The following ACTR2 variants were observed in gnomAD, a reference collection of about 807,000 sequenced individuals.
ACTR2 encodes actin related protein 2.
ACTR2 carries 5 observed loss-of-function variants against 50.2 expected under a neutral mutation model. The observed-to-expected ratio is 0.10, with a 90% CI of 0.05 to 0.21. ACTR2 has a LOEUF of 0.21. Ranked by LOEUF, ACTR2 falls within the 10% of genes least tolerant of loss-of-function variation. The pLI is 1.00. For missense variants in ACTR2, 180 were observed against 480.6 expected (o/e 0.37, Z 5.85); for synonymous variants, 140 against 162.9 (o/e 0.86, Z 1.07).
At chr2:65,232,623 C>T (rs973239829) in intron 1 of ACTR2, among the ~76,000 whole-genome samples, 1 of 151,846 alleles carries the variant, frequency 6.6e-6, no homozygotes, top group Non-Finnish European at 1.5e-5. Context: ...ATTAAATAAG[C>T]CCAAATGGGG....
At chr2:65,253,434 A>T (rs1672090068) in intron 4 of ACTR2, among the ~76,000 whole-genome samples, 1 of 151,968 alleles carries the variant, frequency 6.6e-6, no homozygotes, top group Admixed American at 6.6e-5. Flanking sequence ...TGACAGAGCC[A>T]GACCCTGTCT....
intron 5 of ACTR2, 30 bp downstream of exon 5, chr2:65,253,894 A>T (rs770326689): frequency 1.3e-6 from 2 of 1,589,972 alleles, no homozygotes; most frequent in Non-Finnish European, 1.7e-6. Flanking sequence ...CATGGAAATT[A>T]AATTTTGTAA....
rs1284150000 is a variant in ACTR2, at chr2:65,261,341, G to C, written c.830G>C (p.Gly277Ala). The change falls in exon 7 of 9, where the codon GGT becomes GCT. Residue 277 changes from glycine to alanine, a missense_variant. Transcript: ENST00000260641. ...CACTTGATCAATGTTGAAGGAGTTGGTGTTGCTGAATTGCTTTTTAACACA... is the reference window on the plus strand; with the variant it reads ...CACTTGATCAATGTTGAAGGAGTTGCTGTTGCTGAATTGCTTTTTAACACA... ...QPHLINVEGV[G>A]VAELLFNTIQ... is the part of the protein sequence containing the mutation. The C allele has an allele frequency of 1.2e-6, 2 of 1,613,896 alleles. No homozygotes were observed. The highest frequency in any genetic ancestry group is 1.7e-6 in the Non-Finnish European group (2 of 1,179,970).
chr2:65,238,655 TAAAAA>T (rs34932093), intron 1 of ACTR2, among the ~76,000 whole-genome samples: 3 of 107,854 alleles, frequency 2.8e-5, no homozygotes, highest in South Asian at 3.1e-4. Context: ...CGAGACTGTC[TAAAAA>T]AAAAAAAAAA....
chr2:65,238,026 G>C (rs968785362), intron 1 of ACTR2, among the ~76,000 whole-genome samples: 5 of 151,438 alleles, frequency 3.3e-5, no homozygotes, highest in African/African-American at 1.2e-4. Flanking sequence ...AACTTATTCG[G>C]GCCTGGTGGC....
chr2:65,240,114 A>G (rs1671813309), intron 2 of ACTR2, 152 bp downstream of exon 2: 1 of 576,892 alleles, frequency 1.7e-6, no homozygotes, highest in African/African-American at 1.9e-5. Context: ...TTATATCAAC[A>G]CCTGAACAGG....
intron 1 of ACTR2, among the ~76,000 whole-genome samples, chr2:65,236,591 G>GT (rs1485562898): frequency 3.1e-4 from 47 of 151,262 alleles, no homozygotes; most frequent in Admixed American, 7.9e-4. Context: ...GTTTTGTTTT[G>GT]TTTTTTTTGA....
chr2:65,246,471 TTTC>T, intron 2 of ACTR2, 50 bp from the exon 3 acceptor site: 2 of 1,260,124 alleles, frequency 1.6e-6, no homozygotes, highest in South Asian at 2.9e-5. Context: ...ATTCCCAAGT[TTTC>T]TTAAATATTA....
chr2:65,237,789 G>A (rs1003166617), intron 1 of ACTR2, among the ~76,000 whole-genome samples: 4 of 151,954 alleles, frequency 2.6e-5, no homozygotes, highest in Non-Finnish European at 4.4e-5. Flanking sequence ...GGAGTTTGAG[G>A]ACAACATGGT....
chr2:65,227,899 C>G lies in ACTR2; in HGVS notation c.-11C>G. 2 of 1,518,346 alleles carry G rather than the reference C, an allele frequency of 1.3e-6. No individual in the cohort carries two copies. Among genetic ancestry groups the G allele is most frequent in the Non-Finnish European group, 1.8e-6 (2 of 1,133,450 alleles). 94.1% of individuals were successfully genotyped at this position (1,518,346 alleles called of 1,614,324 possible). ...GTTGTGCGGCTGCAGCGGCTCTTCC[C>G]TGGGCGGACGATGGACAGCCAGGGC... is the stretch of plus-strand genomic sequence containing the variant. On this transcript the variant is annotated 5_prime_UTR_variant, in exon 1 of 9. Transcript: ENST00000260641.
intron 4 of ACTR2, among the ~76,000 whole-genome samples, chr2:65,253,178 G>A (rs183105033): frequency 5.9e-5 from 9 of 152,264 alleles, no homozygotes; most frequent in Admixed American, 3.9e-4. Context: ...GGTGGCTCAC[G>A]CCTGTAACCC....
intron 2 of ACTR2, chr2:65,242,655 C>A: frequency 2.0e-6 from 1 of 511,528 alleles, no homozygotes; most frequent in Non-Finnish European, 3.9e-6. Context: ...AAAGGTAAAG[C>A]TTTTCTATAA....
intron 1 of ACTR2, among the ~76,000 whole-genome samples, chr2:65,230,807 A>G (rs112146830): frequency 1.3e-5 from 2 of 152,048 alleles, no homozygotes; most frequent in African/African-American, 4.8e-5. Context: ...TAATCCCAGC[A>G]CTTTGGGAGG....
chr2:65,250,032 G>A (rs1672014287), intron 3 of ACTR2, among the ~76,000 whole-genome samples: 1 of 152,090 alleles, frequency 6.6e-6, no homozygotes, highest in African/African-American at 2.4e-5. Flanking sequence ...GGGGTACGAG[G>A]CTCTGTAAAG....
chr2:65,252,334 T>C (rs1672068478), intron 4 of ACTR2, among the ~76,000 whole-genome samples: 1 of 152,106 alleles, frequency 6.6e-6, no homozygotes, highest in African/African-American at 2.4e-5. Context: ...AGGAATTATA[T>C]CCACTTAAAA....
chr2:65,266,481 G>GT (rs1448880946), intron 8 of ACTR2, among the ~76,000 whole-genome samples: 4 of 152,130 alleles, frequency 2.6e-5, no homozygotes, highest in Admixed American at 6.5e-5. Context: ...GGTCAGAAGG[G>GT]TAGCAGGAGG....
At chr2:65,234,148 G>A (rs1671695562) in intron 1 of ACTR2, among the ~76,000 whole-genome samples, 1 of 151,886 alleles carries the variant, frequency 6.6e-6, no homozygotes, top group Non-Finnish European at 1.5e-5. Context: ...CTGGGCCCAA[G>A]CAATCCACCC....
intron 1 of ACTR2, among the ~76,000 whole-genome samples, chr2:65,230,605 C>T (rs1671617357): frequency 6.6e-6 from 1 of 151,668 alleles, no homozygotes; most frequent in Non-Finnish European, 1.5e-5. Flanking sequence ...GAGACTGGGT[C>T]TCCCTATGTT....
chr2:65,251,562 T>A (rs1338181628), intron 4 of ACTR2, among the ~76,000 whole-genome samples: 3 of 152,110 alleles, frequency 2.0e-5, no homozygotes, highest in Admixed American at 2.0e-4. Flanking sequence ...GGTTTCTCCA[T>A]ATTGGTCAGG....
Sources: gnomAD v4.1 joint callset for allele counts (sites outside exome capture counted in the v4.1 genomes callset) on GRCh38, gnomAD v4.1.1 for gene constraint, MANE v1.5 for transcripts, NCBI Gene and HGNC (gene_info 2026-07-23, HGNC 2026-07-21) for gene names.